DIO2: variants seen among roughly 807,000 people sequenced by gnomAD.
The protein encoded by DIO2 is iodothyronine deiodinase 2.
Under a neutral mutation model 21.4 loss-of-function variants are expected in DIO2, and 19 were observed. The ratio of observed to expected loss-of-function variants is 0.89; its 90% CI spans 0.62 to 1.30. The LOEUF is 1.30. Ranked by LOEUF, DIO2 falls within the 50% of genes most tolerant of loss-of-function variation. The probability of loss-of-function intolerance (pLI) is 0.00; values close to 1 mark genes in which losing one functional copy is unlikely to be tolerated. For synonymous variants in DIO2, 122 were observed against 132.9 expected, an observed-to-expected ratio of 0.92 and a Z score of 0.57; for missense variants, 302 against 338.1, an observed-to-expected ratio of 0.89 and a Z score of 0.84.
intron 2 of DIO2, among the ~76,000 whole-genome samples, chr14:80,225,782 T>G (rs559704075): frequency 1.3e-5 from 2 of 152,254 alleles, no homozygotes; most frequent in African/African-American, 4.8e-5. Flanking sequence ...TTGCAGGGCA[T>G]GGTAATACTA....
chr14:80,202,512 C>T lies in DIO2; in HGVS notation c.*177G>A. 1.4e-6 allele frequency: 1 copy of T among 740,020 alleles called. No homozygotes were observed. Among genetic ancestry groups the T allele is most frequent in the East Asian group, 2.5e-5 (1 of 39,436 alleles). 45.8% of individuals were successfully genotyped at this position (740,020 alleles called of 1,614,324 possible). On this transcript the variant is annotated 3_prime_UTR_variant, in exon 2 of 2. Transcript: ENST00000438257. ...AGGTGATATGGTTACTTACTCAGCC[C>T]AATGCCATTTGAGTAGTGAAAGAAG... is the stretch of plus-strand genomic sequence containing the variant.
rs772180266 is a variant in DIO2, at chr14:80,203,086, G to T, written c.425C>A (p.Ala142Asp). The change falls in exon 2 of 2, where the codon GCC (alanine) becomes GAC (aspartate). Residue 142 changes from alanine to aspartate, a missense_variant. Ala to Asp is a moderately radical substitution (Grantham distance 126, BLOSUM62 -2). Coordinates refer to ENST00000438257, the MANE Select transcript of DIO2 (RefSeq NM_013989.5). Reference protein sequence around the residue: ...TUPPFTSQLPAFRKLVEEFSS... With the variant: ...TUPPFTSQLPDFRKLVEEFSS... The stretch of plus-strand genomic sequence containing the variant: ...GAACTCTTCCACCAGTTTGCGGAAG[G>T]CTGGCAGCTGGCTCGTGAAAGGAGG... 6.2e-7 allele frequency: 1 copy of T among 1,613,780 alleles called. No homozygotes were observed. The highest frequency in any genetic ancestry group is 8.5e-7 in the Non-Finnish European group (1 of 1,179,880).
At chr14:80,215,556 T>C (rs1202533909), upstream of DIO2, among the ~76,000 whole-genome samples, 2 of 152,228 alleles carry the variant, frequency 1.3e-5, no homozygotes, top group Admixed American at 6.5e-5. Flanking sequence ...AAGCTGCCTT[T>C]GTTTCGTGGA....
In DIO2 at chr14:80,197,659, G is replaced by A. The variant is rs1056817; in HGVS notation, c.*5030C>T. Reference sequence around the variant, plus strand: ...AAAGCAGTTCATTTTCTGCAACTGAGAAGCACATATGTGTAGCATATGCAC... The same window carrying A: ...AAAGCAGTTCATTTTCTGCAACTGAAAAGCACATATGTGTAGCATATGCAC... On this transcript the variant is annotated 3_prime_UTR_variant, in exon 2 of 2. Transcript: ENST00000438257. 6.6e-6 allele frequency: 1 copy of A among 152,616 alleles called. No individual in the cohort carries two copies. The highest frequency in any genetic ancestry group is 2.1e-4 in the South Asian group (1 of 4,836). The allele number at this position is 152,616 out of a possible 1,614,324, so 9.5% of individuals were successfully genotyped here.
intron 1 of DIO2, among the ~76,000 whole-genome samples, chr14:80,210,795 T>C (rs1000316799): frequency 1.3e-5 from 2 of 152,196 alleles, no homozygotes; most frequent in Admixed American, 6.5e-5. Flanking sequence ...CTGAGAGTTC[T>C]GAGTAGCATT....
intron 1 of DIO2, among the ~76,000 whole-genome samples, 156 bp from the exon 2 acceptor site, chr14:80,203,444 T>C (rs1379419240): frequency 6.6e-6 from 1 of 152,152 alleles, no homozygotes; most frequent in African/African-American, 2.4e-5. Context: ...TTGATTTGAG[T>C]AAAGAGGCAT....
chr14:80,201,025 AAT>A lies in DIO2; in HGVS notation c.*1662_*1663del, dbSNP rs1215895298. ...ATACAATCATATACTATGATTTCAT[AAT>A]AGTCTCATATTTACCAAAAAGAAAT... On this transcript the variant is annotated 3_prime_UTR_variant, in exon 2 of 2. Transcript: ENST00000438257. The A allele has an allele frequency of 6.6e-6, 1 of 152,080 alleles. No homozygotes were observed. Among genetic ancestry groups the A allele is most frequent in the African/African-American group, 2.4e-5 (1 of 41,456 alleles). 9.4% of individuals were successfully genotyped at this position (152,080 alleles called of 1,614,324 possible).
chr14:80,205,204 T>G (rs901744172), intron 1 of DIO2, among the ~76,000 whole-genome samples: 1 of 152,204 alleles, frequency 6.6e-6, no homozygotes, highest in Non-Finnish European at 1.5e-5. Flanking sequence ...ACTTCTTTTT[T>G]TTTTATAGAT....
chr14:80,217,313 C>A (rs796324445), intron 2 of DIO2, among the ~76,000 whole-genome samples: 2 of 152,228 alleles, frequency 1.3e-5, no homozygotes, highest in African/African-American at 2.4e-5. Flanking sequence ...CTCTCAAAAC[C>A]TTTTTAAGCT....
At position 80,203,182 on chromosome 14, in the gene DIO2, G is replaced by A. The variant is rs756450538; in HGVS notation, c.329C>T (p.Ala110Val). Reference protein sequence around the residue: ...NGTQEKIAEGATCHLLDFASP... With the variant: ...NGTQEKIAEGVTCHLLDFASP... ...GGCAAAGTCAAGAAGGTGGCATGTGGCTCCCTCAGCTATCTTCTCCTGGGT... is the reference window on the plus strand; with the variant it reads ...GGCAAAGTCAAGAAGGTGGCATGTGACTCCCTCAGCTATCTTCTCCTGGGT... The change falls in exon 2 of 2, where the codon GCC becomes GTC. Residue 110 changes from alanine (A) to valine (V), a missense_variant. Ala to Val is a moderately conservative substitution (Grantham distance 64). Coordinates refer to ENST00000438257, the MANE Select transcript of DIO2 (RefSeq NM_013989.5). 1.2e-6 allele frequency: 2 copies of A among 1,610,212 alleles called. No individual in the cohort carries two copies. Among genetic ancestry groups the A allele is most frequent in the Admixed American group, 1.7e-5 (1 of 59,484 alleles).
At chr14:80,224,121 T>C (rs976615853) in intron 2 of DIO2, among the ~76,000 whole-genome samples, 2 of 152,186 alleles carry the variant, frequency 1.3e-5, no homozygotes, top group African/African-American at 4.8e-5. Context: ...CATGTAATCT[T>C]CATAACAATC....
intron 2 of DIO2, among the ~76,000 whole-genome samples, chr14:80,225,186 C>G (rs1346820535): frequency 6.6e-6 from 1 of 152,176 alleles, no homozygotes; most frequent in Non-Finnish European, 1.5e-5. Flanking sequence ...CAGGCACACC[C>G]AGGAACAATA....
In DIO2 at chr14:80,201,441, T is replaced by C. The variant is rs547928184; in HGVS notation, c.*1248A>G. 1.3e-5 allele frequency: 2 copies of C among 152,228 alleles called. No individual in the cohort carries two copies. The highest frequency in any genetic ancestry group is 2.9e-5 in the Non-Finnish European group (2 of 68,054). 9.4% of individuals were successfully genotyped at this position (152,228 alleles called of 1,614,324 possible). On this transcript the variant is annotated 3_prime_UTR_variant, in exon 2 of 2. Coordinates refer to ENST00000438257, the MANE Select transcript of DIO2 (RefSeq NM_013989.5). Reference sequence around the variant, plus strand: ...GGGAGGAAATCAAGGCTGTGCTGAATGGCCATGGTACCTACCTCCCGCAGC... The same window carrying C: ...GGGAGGAAATCAAGGCTGTGCTGAACGGCCATGGTACCTACCTCCCGCAGC...
Position 80,202,585 on chromosome 14 carries a change from C to A in DIO2, c.*104G>T. 2 of 1,210,252 alleles carry A rather than the reference C, an allele frequency of 1.7e-6. No homozygotes were observed. The highest frequency in any genetic ancestry group is 2.5e-5 in the East Asian group (1 of 39,340). The allele number at this position is 1,210,252 out of a possible 1,614,324, so 75.0% of individuals were successfully genotyped here. Reference sequence around the variant, plus strand: ...GTTCTTCCGATAGATAAACTCCTGTCTTTCAGTAAGCCAATAGGGCTCTGT... The same window carrying A: ...GTTCTTCCGATAGATAAACTCCTGTATTTCAGTAAGCCAATAGGGCTCTGT... On this transcript the variant is annotated 3_prime_UTR_variant, in exon 2 of 2. Coordinates refer to ENST00000438257, the MANE Select transcript of DIO2 (RefSeq NM_013989.5).
intron 2 of DIO2, among the ~76,000 whole-genome samples, chr14:80,226,821 C>T (rs987033009): frequency 2.6e-5 from 4 of 152,194 alleles, no homozygotes; most frequent in African/African-American, 9.7e-5. Flanking sequence ...TATTAAAATC[C>T]TCCTCTGCTG....
At chr14:80,213,792 C>T (rs1207172669), upstream of DIO2, among the ~76,000 whole-genome samples, 1 of 152,110 alleles carries the variant, frequency 6.6e-6, no homozygotes, top group Non-Finnish European at 1.5e-5. Context: ...TTGTGCAATG[C>T]CCTCTCTTGT....
chr14:80,206,443 T>C lies in DIO2; in HGVS notation c.223-3155A>G, dbSNP rs528357819. 3 of 623,914 alleles carry C rather than the reference T, an allele frequency of 4.8e-6. No individual in the cohort carries two copies. The South Asian group carries it at 7.8e-5, about 16-fold the overall frequency. 38.6% of individuals were successfully genotyped at this position (623,914 alleles called of 1,614,324 possible). A position where few individuals can be genotyped will look rare whatever the true frequency, so the allele number is the denominator to read the frequency against. ...TGTTCATTCTCATCTCCCCATTTGG[T>C]CACCATAAAAATTAAATTCCTAATA... On this transcript the variant is annotated intron_variant, in intron 1 of 1. Transcript: ENST00000438257.
chr14:80,212,330 CGACAACTTT>C (rs1179658881), upstream of DIO2, among the ~76,000 whole-genome samples: 1 of 144,268 alleles, frequency 6.9e-6, no homozygotes, highest in Non-Finnish European at 1.5e-5. Context: ...AAGCAAAACT[CGACAACTTT>C]TTTTTTTTAG....
upstream of DIO2, among the ~76,000 whole-genome samples, chr14:80,213,635 G>A (rs1048202848): frequency 1.3e-5 from 2 of 152,146 alleles, no homozygotes; most frequent in African/African-American, 2.4e-5. Context: ...ACCATGCTTG[G>A]CGCACAGTTG....
Sources: allele counts gnomAD v4.1 joint callset (sites outside exome capture counted in the v4.1 genomes callset), GRCh38; gene constraint gnomAD v4.1.1; transcripts MANE v1.5; gene names NCBI Gene and HGNC (gene_info 2026-07-23, HGNC 2026-07-21).